Variants in GDPD5 observed in about 807,000 individuals in gnomAD.
The protein encoded by GDPD5 is glycerophosphodiester phosphodiesterase domain containing 5, also known as glycerophosphodiester phosphodiesterase 2.
In GDPD5, 48 loss-of-function variants were observed where a neutral mutation model predicts 75.1. The observed-to-expected ratio is 0.64, with a 90% CI of 0.51 to 0.81. The LOEUF (loss-of-function observed/expected upper bound fraction) is 0.81. Among genes scored for constraint, GDPD5 ranks in the 40% least tolerant of loss-of-function variants. The pLI is 0.00. For missense variants in GDPD5, 706 were observed against 822.6 expected, an observed-to-expected ratio of 0.86 and a Z score of 1.73; for synonymous variants, 336 against 339.0, an observed-to-expected ratio of 0.99 and a Z score of 0.10.
intron 2 of GDPD5, among the ~76,000 whole-genome samples, chr11:75,480,265 G>A (rs1385974970): frequency 6.6e-6 from 1 of 151,658 alleles, no homozygotes; most frequent in Non-Finnish European, 1.5e-5. Context: ...AACCTGGGAG[G>A]CAGAGGTTGT....
At chr11:75,478,931 A>G (rs1949841889) in intron 2 of GDPD5, among the ~76,000 whole-genome samples, 1 of 152,204 alleles carries the variant, frequency 6.6e-6, no homozygotes, top group Admixed American at 6.5e-5. Flanking sequence ...TCAATCTAGG[A>G]ACTGCTCTAG....
At chr11:75,474,430 A>G (rs1949736695) in intron 3 of GDPD5, among the ~76,000 whole-genome samples, 1 of 152,236 alleles carries the variant, frequency 6.6e-6, no homozygotes, top group African/African-American at 2.4e-5. Flanking sequence ...GTCACAGACA[A>G]CAACCAATTA....
chr11:75,479,760 A>G (rs1185525428), intron 2 of GDPD5, among the ~76,000 whole-genome samples: 1 of 151,298 alleles, frequency 6.6e-6, no homozygotes, highest in African/African-American at 2.4e-5. Context: ...TTCTGTCTCT[A>G]TGGACTTGCC....
intron 1 of GDPD5, among the ~76,000 whole-genome samples, chr11:75,505,334 G>T (rs2851690): frequency 1.3e-5 from 2 of 151,166 alleles, no homozygotes; most frequent in Non-Finnish European, 2.9e-5. Flanking sequence ...GCTGCCTCCG[G>T]CCCCCAGCCC....
intron 9 of GDPD5, among the ~76,000 whole-genome samples, chr11:75,448,193 T>C (rs1949037734): frequency 1.3e-5 from 2 of 152,042 alleles, no homozygotes; most frequent in Admixed American, 6.5e-5. Context: ...CTACCTCTGC[T>C]AAGAAGCCTG....
Position 75,438,815 on chromosome 11 carries a change from A to C in GDPD5, c.1556+1064T>G, listed in dbSNP as rs569840007. The C allele has an allele frequency of 1.9e-5, 3 of 158,328 alleles. No homozygotes were observed. The South Asian group carries it at 5.7e-4, about 30-fold the overall frequency. The allele number at this position is 158,328 out of a possible 1,614,324, so 9.8% of individuals were successfully genotyped here. On this transcript the variant is annotated intron_variant, in intron 15 of 16. Coordinates refer to ENST00000336898, the MANE Select transcript of GDPD5 (RefSeq NM_030792.8). Reference sequence around the variant, plus strand: ...AAAAGGCTGTGTGTTGCGGGGAGCAAAGCAGGGATGGGTGTTAGAGATAGA... The same window carrying C: ...AAAAGGCTGTGTGTTGCGGGGAGCACAGCAGGGATGGGTGTTAGAGATAGA...
At chr11:75,523,508 T>C (rs1280129495) in intron 1 of GDPD5, among the ~76,000 whole-genome samples, 1 of 152,106 alleles carries the variant, frequency 6.6e-6, no homozygotes, top group Non-Finnish European at 1.5e-5. Context: ...CCCTTAGCAC[T>C]TGACAGCCAG....
At chr11:75,460,002 C>T (rs1219709414) in intron 4 of GDPD5, among the ~76,000 whole-genome samples, 1 of 152,172 alleles carries the variant, frequency 6.6e-6, no homozygotes, top group Non-Finnish European at 1.5e-5. Context: ...GGCATCTGCC[C>T]TCCCTGGCCC....
chr11:75,468,687 C>T (rs7116757), intron 3 of GDPD5, among the ~76,000 whole-genome samples: 37 of 152,250 alleles, frequency 2.4e-4, no homozygotes, highest in African/African-American at 7.9e-4. Flanking sequence ...ACGCCCCCCC[C>T]CCGGGAGGTG....
chr11:75,487,389 G>C (rs1175299542), intron 2 of GDPD5, among the ~76,000 whole-genome samples: 1 of 152,232 alleles, frequency 6.6e-6, no homozygotes, highest in African/African-American at 2.4e-5. Flanking sequence ...CCAGTGGGGA[G>C]AGGCTCGGGG....
Position 75,525,190 on chromosome 11 carries a change from C to A in GDPD5, c.-145+20G>T, listed in dbSNP as rs749013470. The A allele has an allele frequency of 6.5e-6, 1 of 152,732 alleles. No homozygotes were observed. The highest frequency in any genetic ancestry group is 1.9e-4 in the East Asian group (1 of 5,166). The allele number at this position is 152,732 out of a possible 1,614,324, so 9.5% of individuals were successfully genotyped here. A position where few individuals can be genotyped will look rare whatever the true frequency, so the allele number is the denominator to read the frequency against. The stretch of plus-strand genomic sequence containing the variant: ...CGATGGGGTCGGGGACCGCTCCTGC[C>A]GCGCATCCGGGGCTCTCACCTGCAG... On this transcript the variant is annotated intron_variant, in intron 1 of 16. Transcript: ENST00000336898.
chr11:75,443,585 T>G (rs938394147), intron 10 of GDPD5, among the ~76,000 whole-genome samples: 1 of 152,184 alleles, frequency 6.6e-6, no homozygotes, highest in African/African-American at 2.4e-5. Context: ...AGGTGCTGCC[T>G]CATTTGACAA....
Position 75,435,577 on chromosome 11 carries a change from G to A in GDPD5, c.1748C>T (p.Thr583Ile). 1.2e-6 allele frequency: 2 copies of A among 1,613,580 alleles called. No individual in the cohort carries two copies. The highest frequency in any genetic ancestry group is 1.7e-6 in the Non-Finnish European group (2 of 1,179,788). Residue 583 changes from threonine (T) to isoleucine (I), a missense_variant, in exon 17 of 17, where the codon ACC becomes ATC. Physicochemically the swap from Thr to Ile is moderately conservative, Grantham distance 89. Transcript: ENST00000336898. ...DNSYDTYANS[T>I]ATPVGPRGGG... ...CCCTCGGGGGCCCACAGGGGTGGCG[G>A]TGCTGTTGGCATATGTGTCATAACT...
intron 4 of GDPD5, 79 bp from the exon 5 acceptor site, chr11:75,457,865 C>T: frequency 9.3e-7 from 1 of 1,080,884 alleles, no homozygotes; most frequent in South Asian, 1.3e-5. Context: ...GTCTGAGCCT[C>T]CACACAGACG....
At chr11:75,446,990 TCTC>T (rs199851570) in intron 9 of GDPD5, among the ~76,000 whole-genome samples, 2,147 of 152,166 alleles carry the variant, frequency 0.014, 38 homozygotes, top group Non-Finnish European at 0.014. Flanking sequence ...TTCAAGCAAT[TCTC>T]CTGTCTCAGC....
At chr11:75,457,608 TG>T (rs1279486546) in intron 5 of GDPD5, 84 bp downstream of exon 5, 6 of 1,038,444 alleles carry the variant, frequency 5.8e-6, no homozygotes, top group Non-Finnish European at 9.0e-6. Flanking sequence ...TATACCAGGG[TG>T]GGACCCTCCA....
intron 10 of GDPD5, 58 bp from the exon 11 acceptor site, chr11:75,443,344 C>A: frequency 6.5e-7 from 1 of 1,537,234 alleles, no homozygotes; most frequent in East Asian, 2.4e-5. Flanking sequence ...ACCTGCCCAC[C>A]AATGATCGTC....
intron 10 of GDPD5, among the ~76,000 whole-genome samples, chr11:75,443,656 T>C (rs572722313): frequency 2.0e-5 from 3 of 152,306 alleles, no homozygotes; most frequent in African/African-American, 7.2e-5. Flanking sequence ...CTGTAAGTGG[T>C]GGAACCCAGT....
intron 14 of GDPD5, 56 bp from the exon 15 acceptor site, chr11:75,440,017 TC>T: frequency 1.4e-6 from 2 of 1,397,056 alleles, no homozygotes; most frequent in Non-Finnish European, 2.0e-6. Context: ...AGACTGAGGC[TC>T]CAGACTGAGG....
Sources: allele counts gnomAD v4.1 joint callset (sites outside exome capture counted in the v4.1 genomes callset), GRCh38; gene constraint gnomAD v4.1.1; transcripts MANE v1.5; gene names NCBI Gene and HGNC (gene_info 2026-07-23, HGNC 2026-07-21).